NCAM2: variants seen among roughly 807,000 people sequenced by gnomAD.
NCAM2 encodes the protein neural cell adhesion molecule 2, also known as N-CAM-2.
NCAM2 carries 30 observed loss-of-function variants against 98.1 expected under a neutral mutation model. That is an observed-to-expected ratio of 0.31 (90% confidence interval 0.23 to 0.41). The LOEUF is 0.41. Among genes scored for constraint, NCAM2 ranks in the 10% least tolerant of loss-of-function variants. The pLI, the probability that NCAM2 is intolerant of heterozygous loss-of-function variation, is 1.00. For synonymous variants in NCAM2, 368 were observed against 342.4 expected (o/e 1.07, Z -0.83); for missense variants, 867 against 1,005.8 (o/e 0.86, Z 1.87).
At chr21:21,330,886 T>TGTCTTGAC (rs1179712045) in intron 6 of NCAM2, among the ~76,000 whole-genome samples, 1 of 152,152 alleles carries the variant, frequency 6.6e-6, no homozygotes, top group Non-Finnish European at 1.5e-5. Context: ...TACGTCACTA[T>TGTCTTGAC]GTCTTCAAGT....
intron 5 of NCAM2, among the ~76,000 whole-genome samples, chr21:21,296,716 A>G (rs1484308502): frequency 6.6e-6 from 1 of 151,808 alleles, no homozygotes; most frequent in African/African-American, 2.4e-5. Context: ...CTAAAGGGCA[A>G]GGAAATGAAG....
At chr21:21,283,555 A>T (rs913762230) in intron 2 of NCAM2, among the ~76,000 whole-genome samples, 1 of 151,932 alleles carries the variant, frequency 6.6e-6, no homozygotes, top group Non-Finnish European at 1.5e-5. Context: ...TAAATAGTTA[A>T]CAGTTTTAGA....
intron 16 of NCAM2, among the ~76,000 whole-genome samples, chr21:21,520,053 C>G (rs1032991865): frequency 6.6e-6 from 1 of 152,004 alleles, no homozygotes; most frequent in African/African-American, 2.4e-5. Context: ...CTTACATTCT[C>G]AAGGGTTTTT....
intron 14 of NCAM2, among the ~76,000 whole-genome samples, chr21:21,470,485 T>C (rs1448803433): frequency 6.6e-6 from 1 of 152,070 alleles, no homozygotes; most frequent in African/African-American, 2.4e-5. Context: ...TGCACATAGT[T>C]GCTAAGGTAT....
intron 1 of NCAM2, among the ~76,000 whole-genome samples, chr21:21,243,847 A>C (rs945913015): frequency 7.2e-5 from 11 of 152,222 alleles, no homozygotes; most frequent in Non-Finnish European, 1.2e-4. Flanking sequence ...CTGTTCAAGG[A>C]AAGTAAGATA....
intron 1 of NCAM2, among the ~76,000 whole-genome samples, chr21:21,115,196 A>G (rs2226700): frequency 0.23 from 34,634 of 152,078 alleles, 3,987 homozygotes; most frequent in Middle Eastern, 0.27. Flanking sequence ...CTTCAGGTCA[A>G]TGTTATATTT....
intron 1 of NCAM2, among the ~76,000 whole-genome samples, chr21:21,173,214 G>A (rs999099675): frequency 3.3e-5 from 5 of 152,046 alleles, no homozygotes; most frequent in Non-Finnish European, 5.9e-5. Flanking sequence ...GATATCCCAG[G>A]GAATTATATG....
chr21:21,420,718 A>G (rs758870880), intron 11 of NCAM2, among the ~76,000 whole-genome samples: 2 of 151,984 alleles, frequency 1.3e-5, no homozygotes, highest in Non-Finnish European at 2.9e-5. Flanking sequence ...CTATTCTCCA[A>G]TTCAGGTTTT....
At chr21:21,219,755 G>T (rs139698775) in intron 1 of NCAM2, among the ~76,000 whole-genome samples, 1 of 152,160 alleles carries the variant, frequency 6.6e-6, no homozygotes, top group African/African-American at 2.4e-5. Context: ...CTTTCAGGAG[G>T]TATTTCAGAT....
chr21:20,998,516 G>A lies in NCAM2; in HGVS notation c.-48G>A. The A allele has an allele frequency of 1.3e-6, 2 of 1,595,510 alleles. No individual in the cohort carries two copies. Among genetic ancestry groups the A allele is most frequent in the Non-Finnish European group, 1.7e-6 (2 of 1,163,954 alleles). The stretch of plus-strand genomic sequence containing the variant: ...GGCAGCGAAAGGTTCTCTCTCCAGG[G>A]CTGGACTTAATAACTTTGAAACTGT... On this transcript the variant is annotated 5_prime_UTR_variant, in exon 1 of 18. Coordinates refer to ENST00000400546, the MANE Select transcript of NCAM2 (RefSeq NM_004540.5).
At chr21:21,017,442 A>AG (rs1555869357) in intron 1 of NCAM2, among the ~76,000 whole-genome samples, 2 of 150,546 alleles carry the variant, frequency 1.3e-5, no homozygotes, top group Non-Finnish European at 3.0e-5. Flanking sequence ...AAAAAAAAAA[A>AG]AAAAAAGAAA....
chr21:21,438,604 A>G (rs967550680), intron 12 of NCAM2, among the ~76,000 whole-genome samples: 3 of 152,206 alleles, frequency 2.0e-5, no homozygotes, highest in African/African-American at 4.8e-5. Flanking sequence ...AGTGAGAAAC[A>G]TGTATCACAG....
intron 11 of NCAM2, among the ~76,000 whole-genome samples, chr21:21,421,939 T>G (rs1398798452): frequency 6.6e-6 from 1 of 152,204 alleles, no homozygotes; most frequent in Non-Finnish European, 1.5e-5. Context: ...TGTCCTCCTT[T>G]CCTTCTTTTT....
intron 10 of NCAM2, among the ~76,000 whole-genome samples, chr21:21,415,512 CT>C (rs1569038327): frequency 1.3e-5 from 2 of 151,428 alleles, no homozygotes; most frequent in Non-Finnish European, 2.9e-5. Context: ...ATTTTTTGTA[CT>C]TTTAGTAGAG....
intron 10 of NCAM2, among the ~76,000 whole-genome samples, chr21:21,417,034 A>G (rs1022969553): frequency 6.6e-6 from 1 of 152,140 alleles, no homozygotes; most frequent in East Asian, 1.9e-4. Flanking sequence ...CAACAAAAAA[A>G]TGAATTGAGC....
chr21:21,130,968 AAC>A (rs1427118708), intron 1 of NCAM2, among the ~76,000 whole-genome samples: 2 of 152,320 alleles, frequency 1.3e-5, no homozygotes, highest in East Asian at 3.9e-4. Context: ...TAAACTAAAA[AAC>A]AGAGTGATAT....
intron 5 of NCAM2, among the ~76,000 whole-genome samples, chr21:21,295,993 T>A (rs1199166166): frequency 6.6e-6 from 1 of 151,870 alleles, no homozygotes; most frequent in African/African-American, 2.4e-5. Context: ...TATTGAAAAT[T>A]TAGCTGAAGA....
At chr21:21,274,770 C>T (rs2072660573) in intron 1 of NCAM2, among the ~76,000 whole-genome samples, 1 of 152,054 alleles carries the variant, frequency 6.6e-6, no homozygotes, top group Non-Finnish European at 1.5e-5. Context: ...AGCTCGTTGT[C>T]CCAAGATCAA....
intron 1 of NCAM2, among the ~76,000 whole-genome samples, chr21:21,096,259 G>T (rs1205255198): frequency 6.6e-6 from 1 of 151,456 alleles, no homozygotes; most frequent in East Asian, 1.9e-4. Context: ...TTTCCAAAGT[G>T]CTTTATTTGC....
Sources: gnomAD v4.1 joint callset for allele counts (sites outside exome capture counted in the v4.1 genomes callset) on GRCh38, gnomAD v4.1.1 for gene constraint, MANE v1.5 for transcripts, NCBI Gene and HGNC (gene_info 2026-07-23, HGNC 2026-07-21) for gene names.